RNF166: variants seen among roughly 807,000 people sequenced by gnomAD.
The protein encoded by RNF166 is E3 ubiquitin-protein ligase RNF166.
Under a neutral mutation model 29.4 loss-of-function variants are expected in RNF166, and 19 were observed. The ratio of observed to expected loss-of-function variants is 0.65; its 90% CI spans 0.45 to 0.95. The LOEUF (loss-of-function observed/expected upper bound fraction) is 0.95. Among genes scored for constraint, RNF166 ranks in the 40% least tolerant of loss-of-function variants. RNF166 has a pLI of 0.00. For synonymous variants in RNF166, 171 were observed against 134.5 expected, an observed-to-expected ratio of 1.27 and a Z score of -1.88; for missense variants, 347 against 322.1, an observed-to-expected ratio of 1.08 and a Z score of -0.59.
intron 1 of RNF166, chr16:88,703,306 T>C: frequency 1.0e-6 from 1 of 985,170 alleles, no homozygotes. Context: ...ACCTCCTGAG[T>C]GAACCCTGAG....
At position 88,697,486 on chromosome 16, in the gene RNF166, G is replaced by T. The variant is rs1015577782; in HGVS notation, c.*82C>A. On this transcript the variant is annotated 3_prime_UTR_variant, in exon 6 of 6. Coordinates refer to ENST00000312838, the MANE Select transcript of RNF166 (RefSeq NM_178841.4). Reference sequence around the variant, plus strand: ...TCCTGTGAGCTCAGTCCGGTGAGGTGCGCTCCCGAGCAGGTGCCAGGTGCG... The same window carrying T: ...TCCTGTGAGCTCAGTCCGGTGAGGTTCGCTCCCGAGCAGGTGCCAGGTGCG... 2 of 1,024,742 alleles carry T rather than the reference G, an allele frequency of 2.0e-6. No individual in the cohort carries two copies. The highest frequency in any genetic ancestry group is 1.6e-5 in the African/African-American group (1 of 63,236). The allele number at this position is 1,024,742 out of a possible 1,614,324, so 63.5% of individuals were successfully genotyped here.
In RNF166 at chr16:88,699,475, G is replaced by C. The variant is rs1020987335; in HGVS notation, c.425+145C>G. On this transcript the variant is annotated intron_variant, in intron 3 of 5. Coordinates refer to ENST00000312838, the MANE Select transcript of RNF166 (RefSeq NM_178841.4). The stretch of plus-strand genomic sequence containing the variant: ...AGGGCAGCACAGGAGCCTTCCTGCA[G>C]GGTGGCAAGGAAGGTCCACTTCCCC... 20 of 644,406 alleles carry C rather than the reference G, an allele frequency of 3.1e-5. No homozygotes were observed. The Admixed American group carries it at 3.7e-4, about 12-fold the overall frequency. The allele number at this position is 644,406 out of a possible 1,614,324, so 39.9% of individuals were successfully genotyped here. A position where few individuals can be genotyped will look rare whatever the true frequency, so the allele number is the denominator to read the frequency against.
intron 1 of RNF166, chr16:88,704,346 G>A: frequency 1.0e-6 from 1 of 985,462 alleles, no homozygotes; most frequent in Non-Finnish European, 1.2e-6. Context: ...AAGGCTGTGT[G>A]AAAAGCTCTT....
chr16:88,699,807 G>A, intron 2 of RNF166, 75 bp from the exon 3 acceptor site: 2 of 1,045,068 alleles, frequency 1.9e-6, no homozygotes, highest in Non-Finnish European at 2.9e-6. Flanking sequence ...CGAGACCTCA[G>A]GTGTCCAGGA....
chr16:88,697,969 G>A, intron 5 of RNF166: 1 of 473,022 alleles, frequency 2.1e-6, no homozygotes, highest in South Asian at 2.6e-5. Context: ...GGCGGAGCGT[G>A]GGTCCCGGAC....
chr16:88,701,065 G>A, intron 2 of RNF166, 197 bp downstream of exon 2: 1 of 1,316,986 alleles, frequency 7.6e-7, no homozygotes, highest in Non-Finnish European at 1.0e-6. Context: ...CCCCCCGTCA[G>A]CCGTCACCAC....
In RNF166 at chr16:88,701,299, G is replaced by C; in HGVS notation, c.275C>G (p.Ser92Ter). The C allele has an allele frequency of 6.2e-7, 1 of 1,613,808 alleles. No individual in the cohort carries two copies. Among genetic ancestry groups the C allele is most frequent in the Non-Finnish European group, 8.5e-7 (1 of 1,179,956 alleles). ...DKATHVEKQL[S>*]SYKAPCRGCN... Reference sequence around the variant, plus strand: ...GCCTCGACAGGGCGCTTTGTAGGATGAGAGCTGCTTCTCCACGTGGGTGGC... The same window carrying C: ...GCCTCGACAGGGCGCTTTGTAGGATCAGAGCTGCTTCTCCACGTGGGTGGC... Residue 92 changes from serine (S) to a stop codon, truncating the protein, a stop_gained, in exon 2 of 6, where the codon TCA (serine) becomes TGA (stop). Transcript: ENST00000312838. LOFTEE classifies it high-confidence loss of function.
At chr16:88,698,637 G>C (rs75387247) in intron 4 of RNF166, 28 bp from the exon 5 acceptor site, 1 of 1,471,910 alleles carries the variant, frequency 6.8e-7, no homozygotes, top group East Asian at 2.5e-5. Flanking sequence ...GTCAAGCCGA[G>C]CCGGACCGCG....
rs147503260 is a variant in RNF166 at position 88,699,700 on chromosome 16, C to T, written c.345G>A (p.Ser115=). ...TCTGCTCCTGGACCTTCAGGCAGGA[C>T]GAAATGTGCACTCTCATCTTTGCCA... ...VTLAKMRVHI[S]SCLKVQEQMA... The change falls in exon 3 of 6, where the codon TCG becomes TCA. Residue 115 remains serine (S), a synonymous_variant. Coordinates refer to ENST00000312838, the MANE Select transcript of RNF166 (RefSeq NM_178841.4). 39 of 1,613,194 alleles carry T rather than the reference C, an allele frequency of 2.4e-5. No homozygotes were observed. Among genetic ancestry groups the T allele is most frequent in the East Asian group, 1.1e-4 (5 of 44,888 alleles).
intron 4 of RNF166, 45 bp from the exon 5 acceptor site, chr16:88,698,654 C>T (rs757343171): frequency 6.4e-6 from 9 of 1,413,212 alleles, no homozygotes; most frequent in Middle Eastern, 2.5e-4. Context: ...CGCGGAGAGG[C>T]GGGGTAGCCG....
chr16:88,699,592 C>G (rs1228822028), intron 3 of RNF166, 28 bp downstream of exon 3: 3 of 1,565,202 alleles, frequency 1.9e-6, no homozygotes, highest in Non-Finnish European at 2.6e-6. Flanking sequence ...GAGGACAGTT[C>G]CTCTCCCTTG....
At position 88,706,154 on chromosome 16, in the gene RNF166, T is replaced by C. The variant is rs1910778259; in HGVS notation, c.155+17A>G. ...GGCACGGCCCCCTCCCCGCGGCCCC[T>C]GGGCGGGCGCGCTCACGTGTGGCCG... On this transcript the variant is annotated intron_variant, in intron 1 of 5. Transcript: ENST00000312838. 8.5e-7 allele frequency: 1 copy of C among 1,178,104 alleles called. No homozygotes were observed. The highest frequency in any genetic ancestry group is 1.0e-6 in the Non-Finnish European group (1 of 957,526). The allele number at this position is 1,178,104 out of a possible 1,614,324, so 73.0% of individuals were successfully genotyped here.
At chr16:88,702,661 G>A in intron 1 of RNF166, 3 of 977,852 alleles carry the variant, frequency 3.1e-6, no homozygotes, top group Non-Finnish European at 3.6e-6. Flanking sequence ...CCACCTGGCT[G>A]GTGGCTCCCA....
At chr16:88,703,823 G>A in intron 1 of RNF166, 1 of 985,474 alleles carries the variant, frequency 1.0e-6, no homozygotes, top group Non-Finnish European at 1.2e-6. Flanking sequence ...TGCACAAGCT[G>A]AGAAGCTGGG....
chr16:88,702,953 G>C lies in RNF166; in HGVS notation c.156-1535C>G, dbSNP rs1429707935. ...CCATACTCAGGCACTCATGGCAGGA[G>C]AAGCGGAAGCAGCTCAGGTGCCCGT... On this transcript the variant is annotated intron_variant, in intron 1 of 5. Coordinates refer to ENST00000312838, the MANE Select transcript of RNF166 (RefSeq NM_178841.4). 7.1e-6 allele frequency: 7 copies of C among 985,498 alleles called. No homozygotes were observed. In the East Asian group the frequency reaches 6.8e-4, roughly 96 times the overall value. The allele number at this position is 985,498 out of a possible 1,614,324, so 61.0% of individuals were successfully genotyped here.
chr16:88,697,785 G>A (rs1428580004), intron 5 of RNF166, 152 bp from the exon 6 acceptor site: 3 of 625,012 alleles, frequency 4.8e-6, no homozygotes, highest in Non-Finnish European at 8.8e-6. Context: ...ACAGGCTCGG[G>A]GCCTGCACGG....
intron 1 of RNF166, chr16:88,703,388 G>A (rs1264358666): frequency 2.0e-6 from 2 of 985,408 alleles, no homozygotes; most frequent in Non-Finnish European, 2.4e-6. Context: ...AGGGTCCCAG[G>A]CAGAGCTTGG....
chr16:88,701,400 G>T lies in RNF166; in HGVS notation c.174C>A (p.Leu58=). ...GGGATGGCACCTGCAGGCAGGGCTG[G>T]AGACACTCCCCGCAGAACCTGCAGG... The part of the protein sequence containing the change: ...SCGHTFCGEC[L]QPCLQVPSPL... The change falls in exon 2 of 6, where the codon CTC becomes CTA. Residue 58 remains leucine (L), a synonymous_variant. Coordinates refer to ENST00000312838, the MANE Select transcript of RNF166 (RefSeq NM_178841.4). 1.2e-6 allele frequency: 2 copies of T among 1,604,000 alleles called. No individual in the cohort carries two copies. The highest frequency in any genetic ancestry group is 1.7e-6 in the Non-Finnish European group (2 of 1,176,158).
intron 4 of RNF166, 90 bp from the exon 5 acceptor site, chr16:88,698,699 A>G: frequency 9.8e-7 from 1 of 1,021,432 alleles, no homozygotes. Context: ...GAGCCCCGTC[A>G]GTGCTGCCTC....
Sources: gnomAD v4.1 joint callset for allele counts on GRCh38, gnomAD v4.1.1 for gene constraint, MANE v1.5 for transcripts, NCBI Gene and HGNC (gene_info 2026-07-23, HGNC 2026-07-21) for gene names.